PCDHGA3: variants seen among roughly 807,000 people sequenced by gnomAD.
PCDHGA3 encodes protocadherin gamma-A3.
PCDHGA3 carries 40 observed loss-of-function variants against 58.5 expected under a neutral mutation model. That is an observed-to-expected ratio of 0.68 (90% CI 0.53 to 0.89). The LOEUF (loss-of-function observed/expected upper bound fraction) is 0.89, where lower values mean the gene tolerates loss of function less well. Among genes scored for constraint, PCDHGA3 ranks in the 40% least tolerant of loss-of-function variants. The probability of loss-of-function intolerance (pLI) is 0.00; values close to 1 mark genes in which losing one functional copy is unlikely to be tolerated. For missense variants in PCDHGA3, 1,223 were observed against 1,195.9 expected (o/e 1.02, Z -0.33); for synonymous variants, 530 against 525.7 (o/e 1.01, Z -0.11).
At chr5:141,393,825 G>A (rs2092852640) in intron 1 of PCDHGA3, 10 of 1,613,964 alleles carry the variant, frequency 6.2e-6, no homozygotes, top group Non-Finnish European at 8.5e-6. Context: ...CATTTCGGTG[G>A]AAGATGTAAA....
intron 1 of PCDHGA3, chr5:141,478,925 G>T: frequency 1.4e-6 from 1 of 700,562 alleles, no homozygotes; most frequent in Non-Finnish European, 2.2e-6. Context: ...TCTAACCAGT[G>T]GCAGCTTCTA....
chr5:141,384,284 C>T (rs1588966005), intron 1 of PCDHGA3: 1 of 1,613,854 alleles, frequency 6.2e-7, no homozygotes. Context: ...GTCTACATCG[C>T]TGAGAACAAC....
intron 1 of PCDHGA3, chr5:141,383,184 C>A: frequency 6.2e-7 from 1 of 1,614,082 alleles, no homozygotes; most frequent in East Asian, 2.2e-5. Context: ...GGGAAGAGAT[C>A]TGCGCTCAGA....
Position 141,345,444 on chromosome 5 carries a change from A to G in PCDHGA3, c.1411A>G (p.Ile471Val), listed in dbSNP as rs200227313. 251 of 1,613,892 alleles carry G rather than the reference A, an allele frequency of 1.6e-4. No individual in the cohort carries two copies. The highest frequency in any genetic ancestry group is 4.0e-5 in the Non-Finnish European group (47 of 1,179,988). Residue 471 changes from isoleucine (I) to valine (V), a missense_variant, in exon 1 of 4, where the codon ATC becomes GTC. Around this residue, in one of 3 missense-constraint regions of PCDHGA3, gnomAD observed 791 missense variants for 708.5 expected, o/e 1.12. Transcript: ENST00000253812. ...IPENNPRGASIFSVTAQDPDS... is the reference protein window; with the variant it reads ...IPENNPRGASVFSVTAQDPDS... ...AGAAAACAACCCCAGAGGAGCCTCC[A>G]TCTTCTCAGTGACAGCCCAGGACCC...
At chr5:141,423,332 C>T in intron 1 of PCDHGA3, 1 of 1,614,198 alleles carries the variant, frequency 6.2e-7, no homozygotes, top group South Asian at 1.1e-5. Flanking sequence ...GCCGCAGTCT[C>T]CTGCATCTTC....
At chr5:141,442,664 G>A (rs1289986124) in intron 1 of PCDHGA3, among the ~76,000 whole-genome samples, 2 of 152,342 alleles carry the variant, frequency 1.3e-5, no homozygotes, top group East Asian at 1.9e-4. Flanking sequence ...TATTTGGCAT[G>A]GTGAGCTTGA....
intron 1 of PCDHGA3, chr5:141,352,152 G>A: frequency 1.2e-6 from 2 of 1,612,744 alleles, no homozygotes; most frequent in Non-Finnish European, 8.5e-7. Context: ...TTGGGCGACA[G>A]GGACGCGGCC....
intron 1 of PCDHGA3, among the ~76,000 whole-genome samples, chr5:141,448,516 A>T (rs1210489939): frequency 3.9e-5 from 6 of 152,152 alleles, no homozygotes; most frequent in Non-Finnish European, 8.8e-5. Flanking sequence ...TTATAACTTT[A>T]TTAAGCATCC....
chr5:141,498,306 A>C (rs2099783027), intron 2 of PCDHGA3, among the ~76,000 whole-genome samples: 1 of 151,810 alleles, frequency 6.6e-6, no homozygotes, highest in African/African-American at 2.4e-5. Flanking sequence ...TCTGGGTCAC[A>C]CTGCCTACAC....
chr5:141,389,405 G>A (rs758428464), intron 1 of PCDHGA3: 16 of 1,613,614 alleles, frequency 9.9e-6, no homozygotes. Flanking sequence ...CCATAAGCGC[G>A]GAGAGCGGGG....
At chr5:141,481,747 T>A (rs1319673737) in intron 1 of PCDHGA3, among the ~76,000 whole-genome samples, 3 of 151,684 alleles carry the variant, frequency 2.0e-5, no homozygotes, top group African/African-American at 7.3e-5. Flanking sequence ...AGGTCAGGAG[T>A]CCAAGACCAG....
chr5:141,373,122 C>T (rs1449230885), intron 1 of PCDHGA3, among the ~76,000 whole-genome samples: 5 of 152,156 alleles, frequency 3.3e-5, no homozygotes, highest in African/African-American at 1.2e-4. Flanking sequence ...CAGAATTAGA[C>T]CCAAATCCTC....
chr5:141,424,519 A>T (rs1216899186), intron 1 of PCDHGA3: 1 of 152,222 alleles, frequency 6.6e-6, no homozygotes, highest in African/African-American at 2.4e-5. Context: ...TTAATGTAGT[A>T]AATCCATATA....
chr5:141,457,270 T>C (rs1338894991), intron 1 of PCDHGA3, among the ~76,000 whole-genome samples: 2 of 152,234 alleles, frequency 1.3e-5, no homozygotes. Flanking sequence ...TTCCCCTCTG[T>C]GGGCCTACGA....
chr5:141,487,813 TG>T lies in PCDHGA3; in HGVS notation c.2425-6989del. 7.2e-7 allele frequency: 1 copy of T among 1,384,138 alleles called. No homozygotes were observed. 85.7% of individuals were successfully genotyped at this position (1,384,138 alleles called of 1,614,324 possible). A position where few individuals can be genotyped will look rare whatever the true frequency, so the allele number is the denominator to read the frequency against. On this transcript the variant is annotated intron_variant, in intron 1 of 3. Transcript: ENST00000253812. This position sits in a 1 kb window ranked among gnomAD's most constrained non-coding sequence, Gnocchi z 5.0. Reference sequence around the variant, plus strand: ...AACCAGAGTTGTCACAGTTTAGCATTGGGGGCGGGTCATGCCTATATCTGAG... The same window carrying T: ...AACCAGAGTTGTCACAGTTTAGCATTGGGGCGGGTCATGCCTATATCTGAG...
At chr5:141,397,255 T>C (rs1471539186) in intron 1 of PCDHGA3, among the ~76,000 whole-genome samples, 2 of 152,214 alleles carry the variant, frequency 1.3e-5, no homozygotes, top group Admixed American at 6.5e-5. Flanking sequence ...GGGTATATCA[T>C]TTCTTAGCTA....
At chr5:141,397,277 C>A (rs920366365) in intron 1 of PCDHGA3, among the ~76,000 whole-genome samples, 1 of 151,970 alleles carries the variant, frequency 6.6e-6, no homozygotes. Flanking sequence ...ATCATATGGG[C>A]AGTATACTTG....
rs141151122 is a variant in PCDHGA3, at chr5:141,491,445, C to T, written c.2425-3362C>T. ...GAGGGCAGTGCTGCAGGCGCCAGGA[C>T]TCACCCTCCCCGGACTTCTATAAGC... is the stretch of plus-strand genomic sequence containing the variant. On this transcript the variant is annotated intron_variant, in intron 1 of 3. Transcript: ENST00000253812. This position sits in a 1 kb window ranked among gnomAD's most constrained non-coding sequence, Gnocchi z 6.9. 1 of 1,614,112 alleles carries T rather than the reference C, an allele frequency of 6.2e-7. No individual in the cohort carries two copies. The highest frequency in any genetic ancestry group is 8.5e-7 in the Non-Finnish European group (1 of 1,180,032).
chr5:141,510,994 G>A lies in PCDHGA3; in HGVS notation c.2620G>A (p.Gly874Arg). ...CCTGGGAGGGGGTGCCGGCACCATG[G>A]GATTGAGCGCCCGCTACGGACCCCA... ...STLGGGAGTM[G>R]LSARYGPQFT... The change falls in exon 4 of 4, where the codon GGA becomes AGA. Residue 874 changes from glycine to arginine, a missense_variant. Physicochemically the swap from Gly to Arg is moderately radical, Grantham distance 125 (BLOSUM62 -2). This residue lies in a region of PCDHGA3 where 325 missense variants were observed against 327.5 expected (regional missense o/e 0.99). Transcript: ENST00000253812. 1 of 1,614,168 alleles carries A rather than the reference G, an allele frequency of 6.2e-7. No homozygotes were observed. Among genetic ancestry groups the A allele is most frequent in the Non-Finnish European group, 8.5e-7 (1 of 1,180,022 alleles).
Sources: allele counts gnomAD v4.1 joint callset (sites outside exome capture counted in the v4.1 genomes callset), GRCh38; gene constraint gnomAD v4.1.1; regional missense constraint gnomAD v4.1.1; non-coding constraint Gnocchi (gnomAD v3.1); transcripts MANE v1.5; gene names NCBI Gene and HGNC (gene_info 2026-07-23, HGNC 2026-07-21).